DCAF6: variants seen among roughly 807,000 people sequenced by gnomAD.
DCAF6 encodes the protein DDB1 and CUL4 associated factor 6, also known as DDB1- and CUL4-associated factor 6.
In DCAF6, 54 loss-of-function variants were observed where a neutral mutation model predicts 125.1. The observed-to-expected ratio is 0.43, with a 90% CI of 0.35 to 0.54. DCAF6 has a LOEUF of 0.54. DCAF6 is among the 20% of genes least tolerant of loss of function. The pLI, the probability that DCAF6 is intolerant of heterozygous loss-of-function variation, is 0.01. For missense variants in DCAF6, 934 were observed against 1,161.7 expected (o/e 0.80, Z 2.85); for synonymous variants, 371 against 390.4 (o/e 0.95, Z 0.58).
the DCAF6 span, among the ~76,000 whole-genome samples, chr1:167,868,684 A>G: frequency 6.6e-6 from 1 of 152,224 alleles, no homozygotes; most frequent in South Asian, 2.1e-4. Context: ...TGCCCATACA[A>G]ATAGGCGAAC....
intron 16 of DCAF6, among the ~76,000 whole-genome samples, chr1:168,049,542 G>A (rs370126282): frequency 2.7e-5 from 4 of 149,780 alleles, no homozygotes; most frequent in Non-Finnish European, 5.9e-5. Context: ...GACTATAGGC[G>A]TGAGCCACCG....
chr1:167,956,325 T>C (rs1674784589), intron 2 of DCAF6, among the ~76,000 whole-genome samples: 1 of 152,242 alleles, frequency 6.6e-6, no homozygotes, highest in Non-Finnish European at 1.5e-5. Flanking sequence ...ATTTATTTTA[T>C]GTAAATTATT....
chr1:168,033,971 C>G (rs2103334863), intron 12 of DCAF6, among the ~76,000 whole-genome samples: 1 of 152,286 alleles, frequency 6.6e-6, no homozygotes, highest in Non-Finnish European at 1.5e-5. Flanking sequence ...AGAAATAGTT[C>G]AGTCTCTTAA....
At chr1:168,039,232 C>T (rs1463840826) in intron 13 of DCAF6, among the ~76,000 whole-genome samples, 1 of 151,964 alleles carries the variant, frequency 6.6e-6, no homozygotes, top group Non-Finnish European at 1.5e-5. Flanking sequence ...TTACTATAGT[C>T]CTACTAGACA....
chr1:167,943,123 A>G (rs1048201036), intron 1 of DCAF6, among the ~76,000 whole-genome samples: 1 of 152,056 alleles, frequency 6.6e-6, no homozygotes, highest in African/African-American at 2.4e-5. Context: ...GTTAGCCAGG[A>G]TGGTCTCGAT....
intron 5 of DCAF6, among the ~76,000 whole-genome samples, chr1:167,988,539 A>G (rs538976673): frequency 9.9e-5 from 15 of 152,276 alleles, no homozygotes; most frequent in Middle Eastern, 3.4e-3. Flanking sequence ...AGTAATTCCA[A>G]GTGATTTTTC....
chr1:167,990,533 ATTTTTTACATTTCTAAAGATGTTCATTAT>A (rs1391283470), intron 5 of DCAF6, among the ~76,000 whole-genome samples: 1 of 152,154 alleles, frequency 6.6e-6, no homozygotes, highest in Non-Finnish European at 1.5e-5. Context: ...GTAATTTTGA[ATTTTTTACATTTCTAAAGATGTTCATTAT>A]TCATGAGTAT....
At chr1:167,963,217 T>G (rs1234621842) in intron 2 of DCAF6, among the ~76,000 whole-genome samples, 2 of 151,878 alleles carry the variant, frequency 1.3e-5, no homozygotes, top group Non-Finnish European at 2.9e-5. Flanking sequence ...TGAGCTGAGA[T>G]CGTGCTGCTT....
At chr1:168,040,562 C>A (rs1026702978) in intron 13 of DCAF6, among the ~76,000 whole-genome samples, 1 of 151,336 alleles carries the variant, frequency 6.6e-6, no homozygotes, top group South Asian at 2.1e-4. Context: ...AGTCTTAGTG[C>A]CTGACCATTT....
At chr1:167,901,937 C>T in the DCAF6 span, 9,880 of 1,604,394 alleles carry the variant, frequency 6.2e-3, 41 homozygotes, top group Non-Finnish European at 7.2e-3. Context: ...CTCTAGGATG[C>T]CTCCTTTGTC....
At chr1:168,067,399 C>T (rs545003427) in intron 20 of DCAF6, among the ~76,000 whole-genome samples, 1 of 152,046 alleles carries the variant, frequency 6.6e-6, no homozygotes, top group South Asian at 2.1e-4. Flanking sequence ...GTTTTGGAAG[C>T]CCACAGAGAG....
At chr1:167,995,546 G>A (rs1681523387) in intron 7 of DCAF6, among the ~76,000 whole-genome samples, 1 of 152,084 alleles carries the variant, frequency 6.6e-6, no homozygotes, top group Non-Finnish European at 1.5e-5. Flanking sequence ...TGGGCTTGGT[G>A]GCAGGCGCCT....
At chr1:168,001,835 G>A (rs1682684372) in intron 7 of DCAF6, among the ~76,000 whole-genome samples, 1 of 152,072 alleles carries the variant, frequency 6.6e-6, no homozygotes. Flanking sequence ...TTCAAGAAAG[G>A]CTGGAAGGAG....
intron 16 of DCAF6, among the ~76,000 whole-genome samples, chr1:168,046,241 A>T (rs931392516): frequency 3.9e-5 from 6 of 152,140 alleles, no homozygotes; most frequent in East Asian, 1.9e-4. Context: ...TAAGAATTTT[A>T]AAAAAATCTA....
chr1:168,069,871 T>G (rs1358729956), intron 21 of DCAF6, among the ~76,000 whole-genome samples: 1 of 152,182 alleles, frequency 6.6e-6, no homozygotes, highest in Non-Finnish European at 1.5e-5. Flanking sequence ...ATATATTTTG[T>G]TCAATAACAG....
intron 12 of DCAF6, among the ~76,000 whole-genome samples, chr1:168,026,545 T>G (rs1686363996): frequency 1.3e-5 from 2 of 152,094 alleles, no homozygotes; most frequent in African/African-American, 4.8e-5. Context: ...GGACAGATTT[T>G]AAAAATAGTT....
At chr1:167,880,475 C>T in the DCAF6 span, 1 of 1,582,212 alleles carries the variant, frequency 6.3e-7, no homozygotes, top group East Asian at 2.2e-5. Context: ...TGGGTGGGAC[C>T]AGGGTCAATA....
At chr1:168,069,334 A>G (rs1165072537) in intron 21 of DCAF6, among the ~76,000 whole-genome samples, 1 of 152,190 alleles carries the variant, frequency 6.6e-6, no homozygotes, top group African/African-American at 2.4e-5. Context: ...TCTAATCTCA[A>G]ACTATTCTAG....
At chr1:167,932,325 T>C (rs1399598422), upstream of DCAF6, among the ~76,000 whole-genome samples, 1 of 152,192 alleles carries the variant, frequency 6.6e-6, no homozygotes, top group Non-Finnish European at 1.5e-5. Context: ...ACAGAATGTA[T>C]ACACAATGAA....
Sources: allele counts gnomAD v4.1 joint callset (sites outside exome capture counted in the v4.1 genomes callset), GRCh38; gene constraint gnomAD v4.1.1; transcripts MANE v1.5; gene names NCBI Gene and HGNC (gene_info 2026-07-23, HGNC 2026-07-21).